Variants in EML4 observed in about 807,000 individuals in gnomAD.
EML4 encodes the protein EMAP like 4.
Under a neutral mutation model 129.0 loss-of-function variants are expected in EML4, and 72 were observed. That is an observed-to-expected ratio of 0.56 (90% CI 0.46 to 0.68). The LOEUF (loss-of-function observed/expected upper bound fraction) is 0.68. Among genes scored for constraint, EML4 ranks in the 30% least tolerant of loss-of-function variants. EML4 has a pLI of 0.00. For missense variants in EML4, 1,363 were observed against 1,190.6 expected, an observed-to-expected ratio of 1.14 and a Z score of -2.13; for synonymous variants, 532 against 405.0, an observed-to-expected ratio of 1.31 and a Z score of -3.77.
At chr2:42,295,017 T>A (rs1161388846) in intron 11 of EML4, 108 bp from the exon 12 acceptor site, 4 of 1,012,776 alleles carry the variant, frequency 3.9e-6, no homozygotes, top group Non-Finnish European at 5.5e-6. Flanking sequence ...GAAGAGGCAT[T>A]TTCTCAAAAT....
At chr2:42,210,505 C>T (rs550816846) in intron 1 of EML4, among the ~76,000 whole-genome samples, 41 of 152,290 alleles carry the variant, frequency 2.7e-4, no homozygotes, top group Non-Finnish European at 7.4e-5. Flanking sequence ...TTCCCAACCC[C>T]TTTCTGTACT....
At chr2:42,306,406 T>C (rs565401410) in intron 17 of EML4, among the ~76,000 whole-genome samples, 74 of 150,950 alleles carry the variant, frequency 4.9e-4, no homozygotes, top group African/African-American at 1.8e-3. Flanking sequence ...TAAACAGATA[T>C]CACAAATGCT....
chr2:42,230,412 T>C (rs897243770), intron 1 of EML4, among the ~76,000 whole-genome samples: 3 of 152,098 alleles, frequency 2.0e-5, no homozygotes, highest in African/African-American at 7.2e-5. Flanking sequence ...TTATTTTATT[T>C]ATTTATTTTT....
chr2:42,220,825 C>G (rs1277144777), intron 1 of EML4, among the ~76,000 whole-genome samples: 1 of 152,108 alleles, frequency 6.6e-6, no homozygotes, highest in East Asian at 1.9e-4. Context: ...AGTTAAACAG[C>G]CTTATTGCAG....
intron 19 of EML4, among the ~76,000 whole-genome samples, chr2:42,322,044 C>T (rs897355664): frequency 6.6e-6 from 1 of 152,148 alleles, no homozygotes; most frequent in Admixed American, 6.5e-5. Context: ...TAAAATAGTT[C>T]TAGTTCATCT....
chr2:42,293,365 C>T (rs1377291179), intron 11 of EML4, among the ~76,000 whole-genome samples: 1 of 152,120 alleles, frequency 6.6e-6, no homozygotes, highest in Non-Finnish European at 1.5e-5. Context: ...CCACCCAAAG[C>T]ATTGAGATTA....
intron 3 of EML4, among the ~76,000 whole-genome samples, chr2:42,259,043 T>C (rs1055526431): frequency 8.5e-5 from 13 of 152,178 alleles, no homozygotes; most frequent in African/African-American, 2.9e-4. Flanking sequence ...GGTCAGGAGT[T>C]TGAGACCAGT....
intron 13 of EML4, among the ~76,000 whole-genome samples, chr2:42,296,870 A>G (rs1667987828): frequency 1.3e-5 from 2 of 152,226 alleles, no homozygotes; most frequent in African/African-American, 4.8e-5. Flanking sequence ...ATGGCATTAT[A>G]TCCCGATAAA....
Position 42,295,148 on chromosome 2 carries a change from T to C in EML4, c.1242T>C (p.Ala414=). The change falls in exon 12 of 23, where the codon GCT becomes GCC. Residue 414 remains alanine, a synonymous_variant. Transcript: ENST00000318522. ...AGACAACAAATGAAGTTGTTTTGGC[T>C]GTGGAGTTTCACCCAACAGATGCAA... The part of the protein sequence containing the change: ...EIKTTNEVVL[A]VEFHPTDANT... The C allele has an allele frequency of 6.2e-7, 1 of 1,612,336 alleles. No homozygotes were observed. Among genetic ancestry groups the C allele is most frequent in the Non-Finnish European group, 8.5e-7 (1 of 1,179,542 alleles).
chr2:42,256,386 T>C (rs1200425044), intron 2 of EML4, 115 bp from the exon 3 acceptor site: 8 of 967,770 alleles, frequency 8.3e-6, no homozygotes, highest in Non-Finnish European at 1.1e-5. Flanking sequence ...TAAACAATAA[T>C]ATACTTAATT....
At chr2:42,321,828 A>G (rs1669539564) in intron 19 of EML4, among the ~76,000 whole-genome samples, 1 of 152,246 alleles carries the variant, frequency 6.6e-6, no homozygotes, top group African/African-American at 2.4e-5. Flanking sequence ...AAATGCATTC[A>G]CAATAGCAAC....
intron 17 of EML4, among the ~76,000 whole-genome samples, chr2:42,311,789 A>G (rs543084608): frequency 2.0e-5 from 3 of 152,372 alleles, no homozygotes; most frequent in South Asian, 2.1e-4. Flanking sequence ...TTACATTCTC[A>G]GAAGAAACAT....
chr2:42,278,295 G>A (rs564843611), intron 6 of EML4, among the ~76,000 whole-genome samples: 2 of 152,120 alleles, frequency 1.3e-5, no homozygotes, highest in African/African-American at 4.8e-5. Flanking sequence ...AATTGCGGCC[G>A]CATGCGGTGG....
intron 17 of EML4, among the ~76,000 whole-genome samples, chr2:42,307,930 C>T (rs1369621432): frequency 6.6e-6 from 1 of 152,202 alleles, no homozygotes; most frequent in East Asian, 1.9e-4. Flanking sequence ...ACTGGGATTA[C>T]AGGCGTGAGC....
At chr2:42,287,872 C>T (rs1400714619) in intron 10 of EML4, among the ~76,000 whole-genome samples, 1 of 151,950 alleles carries the variant, frequency 6.6e-6, no homozygotes, top group Non-Finnish European at 1.5e-5. Flanking sequence ...TTCTTACCTA[C>T]CACAAGGAAA....
Position 42,261,014 on chromosome 2 carries a change from G to A in EML4, c.339-107G>A, listed in dbSNP as rs1665699961. On this transcript the variant is annotated intron_variant, in intron 3 of 22. Coordinates refer to ENST00000318522, the MANE Select transcript of EML4 (RefSeq NM_019063.5). Reference sequence around the variant, plus strand: ...AATGAAAACAGTGCAAATTGTATTAGCTGTATGACTTAGGGTTTTGAATTA... The same window carrying A: ...AATGAAAACAGTGCAAATTGTATTAACTGTATGACTTAGGGTTTTGAATTA... The A allele has an allele frequency of 3.8e-6, 3 of 792,754 alleles. No homozygotes were observed. The South Asian group carries it at 6.0e-5, about 16-fold the overall frequency. The allele number at this position is 792,754 out of a possible 1,614,324, so 49.1% of individuals were successfully genotyped here. A position where few individuals can be genotyped will look rare whatever the true frequency, so the allele number is the denominator to read the frequency against.
chr2:42,176,921 C>G (rs1261435621), intron 1 of EML4, among the ~76,000 whole-genome samples: 1 of 152,012 alleles, frequency 6.6e-6, no homozygotes, highest in Admixed American at 6.6e-5. Flanking sequence ...AGCCTTCCGA[C>G]TAGGTGGTGT....
chr2:42,234,052 G>T (rs910816741), intron 1 of EML4, among the ~76,000 whole-genome samples: 1 of 152,204 alleles, frequency 6.6e-6, no homozygotes, highest in Non-Finnish European at 1.5e-5. Flanking sequence ...GCTGCCTAGG[G>T]TTTAGCCACT....
At chr2:42,185,280 A>G (rs1013689863) in intron 1 of EML4, among the ~76,000 whole-genome samples, 2 of 152,170 alleles carry the variant, frequency 1.3e-5, no homozygotes, top group Non-Finnish European at 2.9e-5. Context: ...GTGACACGTG[A>G]AAATTATATG....
Sources: allele counts gnomAD v4.1 joint callset (sites outside exome capture counted in the v4.1 genomes callset), GRCh38; gene constraint gnomAD v4.1.1; transcripts MANE v1.5; gene names NCBI Gene and HGNC (gene_info 2026-07-23, HGNC 2026-07-21).